Variants in PCGF6 observed in about 807,000 individuals in gnomAD.
The protein encoded by PCGF6 is polycomb group ring finger 6.
In PCGF6, 24 loss-of-function variants were observed where a neutral mutation model predicts 45.5. The ratio of observed to expected loss-of-function variants is 0.53; its 90% CI spans 0.38 to 0.74. The LOEUF is 0.74. PCGF6 is among the 30% of genes least tolerant of loss of function. The pLI, the probability that PCGF6 is intolerant of heterozygous loss-of-function variation, is 0.00. For synonymous variants in PCGF6, 152 were observed against 162.1 expected (o/e 0.94, Z 0.47); for missense variants, 356 against 443.2 (o/e 0.80, Z 1.77).
chr10:103,313,915 T>G (rs1349636422), intron 9 of PCGF6, among the ~76,000 whole-genome samples: 2 of 152,228 alleles, frequency 1.3e-5, no homozygotes, highest in East Asian at 3.8e-4. Flanking sequence ...ATGTCCTTAC[T>G]GTATCTCAGT....
chr10:103,326,652 A>T lies in PCGF6; in HGVS notation c.811-20T>A. On this transcript the variant is annotated intron_variant, in intron 7 of 9. Transcript: ENST00000369847. Reference sequence around the variant, plus strand: ...CAATGGCTACAAAAACAGACAGATAAAACTATTTTTAGGTTAAATATACCT... The same window carrying T: ...CAATGGCTACAAAAACAGACAGATATAACTATTTTTAGGTTAAATATACCT... 1 of 1,592,210 alleles carries T rather than the reference A, an allele frequency of 6.3e-7. No homozygotes were observed. Among genetic ancestry groups the T allele is most frequent in the Non-Finnish European group, 8.6e-7 (1 of 1,165,824 alleles).
chr10:103,335,720 C>T (rs1564731844), intron 6 of PCGF6, among the ~76,000 whole-genome samples: 1 of 151,866 alleles, frequency 6.6e-6, no homozygotes, highest in Non-Finnish European at 1.5e-5. Context: ...GTAATCCCAG[C>T]ACTTTGGGAG....
At chr10:103,343,493 T>C (rs764760484) in intron 6 of PCGF6, among the ~76,000 whole-genome samples, 2 of 152,072 alleles carry the variant, frequency 1.3e-5, no homozygotes, top group African/African-American at 2.4e-5. Context: ...TGTTTAACAT[T>C]GCTGCACTAA....
intron 6 of PCGF6, among the ~76,000 whole-genome samples, chr10:103,340,204 T>A (rs201068069): frequency 0.12 from 14,648 of 124,260 alleles, 1,067 homozygotes; most frequent in Non-Finnish European, 0.15. Flanking sequence ...AAAAAATATA[T>A]ATATATATAT....
At chr10:103,331,293 C>A (rs1007855331) in intron 7 of PCGF6, among the ~76,000 whole-genome samples, 1 of 152,148 alleles carries the variant, frequency 6.6e-6, no homozygotes, top group Non-Finnish European at 1.5e-5. Context: ...CGCTCTTTTG[C>A]CCAGGCTGGA....
chr10:103,314,144 T>C lies in PCGF6; in HGVS notation c.996+42A>G, dbSNP rs1487109219. 3 of 1,285,972 alleles carry C rather than the reference T, an allele frequency of 2.3e-6. No individual in the cohort carries two copies. The Admixed American group carries it at 6.3e-5, about 27-fold the overall frequency. 79.7% of individuals were successfully genotyped at this position (1,285,972 alleles called of 1,614,324 possible). A position where few individuals can be genotyped will look rare whatever the true frequency, so the allele number is the denominator to read the frequency against. On this transcript the variant is annotated intron_variant, in intron 9 of 9. Transcript: ENST00000369847. ...TACTGATAACATGGATAACTTTCAC[T>C]AAGTAACTTATCTGTTAGACATGGG...
intron 8 of PCGF6, among the ~76,000 whole-genome samples, chr10:103,324,635 C>T (rs948447025): frequency 1.3e-5 from 2 of 151,620 alleles, no homozygotes; most frequent in African/African-American, 4.8e-5. Flanking sequence ...TGGCACAGGC[C>T]TGTAATCCCA....
Position 103,303,651 on chromosome 10 carries a change from T to C in PCGF6, c.*254A>G, listed in dbSNP as rs2093127153. On this transcript the variant is annotated 3_prime_UTR_variant, in exon 10 of 10. Coordinates refer to ENST00000369847, the MANE Select transcript of PCGF6 (RefSeq NM_001011663.2). Reference sequence around the variant, plus strand: ...ATCAATGTCAAGGTATTTAAAATCATAAGAAATTTTAAAATTCAATTTTTG... The same window carrying C: ...ATCAATGTCAAGGTATTTAAAATCACAAGAAATTTTAAAATTCAATTTTTG... The C allele has an allele frequency of 8.8e-6, 3 of 342,306 alleles. No homozygotes were observed. Among genetic ancestry groups the C allele is most frequent in the African/African-American group, 2.1e-5 (1 of 47,382 alleles). The allele number at this position is 342,306 out of a possible 1,614,324, so 21.2% of individuals were successfully genotyped here.
chr10:103,325,483 C>T (rs985104128), intron 8 of PCGF6, among the ~76,000 whole-genome samples: 3 of 152,008 alleles, frequency 2.0e-5, no homozygotes, highest in Non-Finnish European at 4.4e-5. Context: ...TTCCTGACCT[C>T]GTGATCCACC....
chr10:103,305,238 G>C (rs958111946), intron 9 of PCGF6, among the ~76,000 whole-genome samples: 17 of 151,426 alleles, frequency 1.1e-4, no homozygotes, highest in African/African-American at 3.9e-4. Flanking sequence ...GCTTCCCAAA[G>C]TGTGGGATTA....
intron 6 of PCGF6, among the ~76,000 whole-genome samples, chr10:103,342,646 A>G (rs1048987246): frequency 6.6e-6 from 1 of 152,194 alleles, no homozygotes; most frequent in Admixed American, 6.6e-5. Context: ...CACAAGGTAC[A>G]TGGGCTTGCC....
chr10:103,338,661 G>C (rs1189202323), intron 6 of PCGF6, among the ~76,000 whole-genome samples: 3 of 151,790 alleles, frequency 2.0e-5, no homozygotes, highest in African/African-American at 7.3e-5. Context: ...GAGGTCAGGA[G>C]TTCGAGACCA....
intron 8 of PCGF6, among the ~76,000 whole-genome samples, chr10:103,322,889 C>T (rs1413311821): frequency 7.0e-6 from 1 of 141,926 alleles, no homozygotes; most frequent in Non-Finnish European, 1.5e-5. Context: ...AAAAAAAAAA[C>T]AAAAAACAAA....
chr10:103,305,023 C>T (rs970606663), intron 9 of PCGF6, among the ~76,000 whole-genome samples: 13 of 152,048 alleles, frequency 8.5e-5, no homozygotes, highest in Admixed American at 3.3e-4. Flanking sequence ...AGTGCAATGG[C>T]GCGATCATAG....
chr10:103,341,028 G>A (rs757676607), intron 6 of PCGF6, among the ~76,000 whole-genome samples: 1 of 151,992 alleles, frequency 6.6e-6, no homozygotes, highest in Non-Finnish European at 1.5e-5. Context: ...TCGGGAGATT[G>A]AGACCAGCCT....
chr10:103,322,538 A>T lies in PCGF6; in HGVS notation c.909+3996T>A, dbSNP rs556290392. ...TTTTGTTTCTGTCAATTAAAAAAAC[A>T]GGCTGGGCACAGTGGCTCATGCCTG... On this transcript the variant is annotated intron_variant, in intron 8 of 9. Coordinates refer to ENST00000369847, the MANE Select transcript of PCGF6 (RefSeq NM_001011663.2). Among the ~76,000 whole-genome samples the T allele has an allele frequency of 3.6e-4, 54 of 151,780 alleles. No individual in the cohort carries two copies. In the South Asian group the frequency reaches 0.011, roughly 31 times the overall value.
intron 8 of PCGF6, among the ~76,000 whole-genome samples, chr10:103,325,445 G>C (rs1037273963): frequency 6.6e-6 from 1 of 152,012 alleles, no homozygotes; most frequent in Non-Finnish European, 1.5e-5. Flanking sequence ...AGTAGAGATA[G>C]GGTTTCACCA....
In PCGF6 at chr10:103,330,970, C is replaced by T. The variant is rs536999508; in HGVS notation, c.810+2955G>A. 3.3e-5 allele frequency among the ~76,000 whole-genome samples: 5 copies of T among 152,112 alleles called. No homozygotes were observed. In the East Asian group the frequency reaches 9.7e-4, roughly 29 times the overall value. On this transcript the variant is annotated intron_variant, in intron 7 of 9. Coordinates refer to ENST00000369847, the MANE Select transcript of PCGF6 (RefSeq NM_001011663.2). ...AACCTGTACCTCTTGGTAGTCACTCCCCATTCAGCCTCTTCCCCAAGCCTC... is the reference window on the plus strand; with the variant it reads ...AACCTGTACCTCTTGGTAGTCACTCTCCATTCAGCCTCTTCCCCAAGCCTC...
intron 8 of PCGF6, among the ~76,000 whole-genome samples, chr10:103,323,971 ACT>A (rs1174176284): frequency 6.9e-6 from 1 of 145,204 alleles, no homozygotes; most frequent in Non-Finnish European, 1.5e-5. Context: ...ACAGATTATC[ACT>A]CTGTCGCCCA....
Sources: allele counts gnomAD v4.1 joint callset (sites outside exome capture counted in the v4.1 genomes callset), GRCh38; gene constraint gnomAD v4.1.1; transcripts MANE v1.5; gene names NCBI Gene and HGNC (gene_info 2026-07-23, HGNC 2026-07-21).